The following ABLIM1 variants were observed in gnomAD, a reference collection of about 807,000 sequenced individuals.
The protein encoded by ABLIM1 is actin-binding LIM protein 1.
A neutral mutation model predicts 107.0 loss-of-function variants in ABLIM1; 40 were observed. The observed-to-expected ratio is 0.37, with a 90% CI of 0.29 to 0.49. The LOEUF (loss-of-function observed/expected upper bound fraction) is 0.49, where lower values mean the gene tolerates loss of function less well. Ranked by LOEUF, ABLIM1 falls within the 20% of genes least tolerant of loss-of-function variation. The probability of loss-of-function intolerance (pLI) is 0.97; values close to 1 mark genes in which losing one functional copy is unlikely to be tolerated. For synonymous variants in ABLIM1, 357 were observed against 357.3 expected, an observed-to-expected ratio of 1.00 and a Z score of 0.01; for missense variants, 857 against 1,008.5, an observed-to-expected ratio of 0.85 and a Z score of 2.04.
At chr10:114,624,685 T>C (rs1296774671) in intron 1 of ABLIM1, among the ~76,000 whole-genome samples, 1 of 152,206 alleles carries the variant, frequency 6.6e-6, no homozygotes, top group Non-Finnish European at 1.5e-5. Flanking sequence ...TATTTATTTA[T>C]ATCGTAGAAA....
chr10:114,745,756 G>A (rs1482897832), intron 1 of ABLIM1, among the ~76,000 whole-genome samples: 1 of 152,118 alleles, frequency 6.6e-6, no homozygotes, highest in Non-Finnish European at 1.5e-5. Flanking sequence ...TAGGAGAATC[G>A]CTTGAACCCA....
At chr10:114,635,671 GC>G (rs2078443570) in intron 1 of ABLIM1, among the ~76,000 whole-genome samples, 1 of 152,162 alleles carries the variant, frequency 6.6e-6, no homozygotes, top group Non-Finnish European at 1.5e-5. Context: ...ATTGCAGTGC[GC>G]CACCACGCCT....
chr10:114,546,849 T>C (rs1014043765), intron 5 of ABLIM1, among the ~76,000 whole-genome samples: 1 of 152,156 alleles, frequency 6.6e-6, no homozygotes, highest in Non-Finnish European at 1.5e-5. Flanking sequence ...GGTGCGATAA[T>C]AGTTCACTGC....
At chr10:114,607,903 G>C (rs2076534551) in intron 1 of ABLIM1, among the ~76,000 whole-genome samples, 1 of 152,206 alleles carries the variant, frequency 6.6e-6, no homozygotes, top group African/African-American at 2.4e-5. Context: ...AATCTGAATA[G>C]TGTGGACTTT....
intron 18 of ABLIM1, 34 bp downstream of exon 18, chr10:114,441,688 A>C (rs775736765): frequency 6.3e-7 from 1 of 1,593,174 alleles, no homozygotes; most frequent in Non-Finnish European, 8.6e-7. Flanking sequence ...GGTGGGAGTA[A>C]AGGCAGAAAC....
intron 6 of ABLIM1, among the ~76,000 whole-genome samples, chr10:114,502,962 C>A (rs1250197199): frequency 6.6e-6 from 1 of 152,188 alleles, no homozygotes; most frequent in Non-Finnish European, 1.5e-5. Flanking sequence ...TGACTTCTAA[C>A]CCCACATGCT....
At chr10:114,464,534 G>A (rs1482384161) in intron 12 of ABLIM1, among the ~76,000 whole-genome samples, 1 of 152,048 alleles carries the variant, frequency 6.6e-6, no homozygotes, top group Non-Finnish European at 1.5e-5. Flanking sequence ...CTTAAATCGG[G>A]ACTCACGTCC....
intron 6 of ABLIM1, among the ~76,000 whole-genome samples, chr10:114,543,290 C>T (rs906410558): frequency 1.3e-5 from 2 of 152,208 alleles, no homozygotes; most frequent in East Asian, 3.8e-4. Context: ...AAAAGGAAAT[C>T]CTGTATCCAT....
At chr10:114,577,483 G>GCA (rs1342638111) in intron 2 of ABLIM1, among the ~76,000 whole-genome samples, 1 of 152,096 alleles carries the variant, frequency 6.6e-6, no homozygotes, top group East Asian at 1.9e-4. Flanking sequence ...TAATCTGGTG[G>GCA]CAATACACAA....
chr10:114,785,687 T>C, the ABLIM1 span, among the ~76,000 whole-genome samples: 3 of 152,172 alleles, frequency 2.0e-5, no homozygotes, highest in Non-Finnish European at 4.4e-5. Context: ...TTTGAGTGAA[T>C]ATAAAATCTC....
chr10:114,538,721 G>A (rs542168604), intron 6 of ABLIM1, among the ~76,000 whole-genome samples: 1 of 152,354 alleles, frequency 6.6e-6, no homozygotes, highest in Non-Finnish European at 1.5e-5. Context: ...TCAGGGAGGA[G>A]AACAAAAGAA....
At chr10:114,684,441 C>T in exon 1 of ABLIM1, 1 of 1,576,408 alleles carries the variant, frequency 6.3e-7, no homozygotes, top group African/African-American at 1.3e-5. Flanking sequence ...AGGCTGGGGC[C>T]CTGGCTCTCC....
At chr10:114,783,539 C>T in the ABLIM1 span, among the ~76,000 whole-genome samples, 2 of 151,828 alleles carry the variant, frequency 1.3e-5, no homozygotes, top group Non-Finnish European at 2.9e-5. Flanking sequence ...ATGGAGCTAG[C>T]GCATGAAAGG....
At chr10:114,504,025 G>A (rs551980895) in intron 6 of ABLIM1, among the ~76,000 whole-genome samples, 5 of 152,316 alleles carry the variant, frequency 3.3e-5, no homozygotes, top group Admixed American at 3.3e-4. Flanking sequence ...ATAACTTTCT[G>A]TAAGTGTTTG....
chr10:114,597,572 G>T (rs1390072388), intron 2 of ABLIM1, among the ~76,000 whole-genome samples: 1 of 151,222 alleles, frequency 6.6e-6, no homozygotes, highest in Non-Finnish European at 1.5e-5. Flanking sequence ...GAAAAGGAAA[G>T]GAAAGGAGGA....
At chr10:114,781,662 G>GTATATA in the ABLIM1 span, among the ~76,000 whole-genome samples, 5 of 23,068 alleles carry the variant, frequency 2.2e-4, no homozygotes, top group African/African-American at 4.5e-4. Context: ...ATATATATGC[G>GTATATA]TGTATATATA....
At chr10:114,500,158 T>C (rs1206095764) in intron 6 of ABLIM1, among the ~76,000 whole-genome samples, 1 of 152,210 alleles carries the variant, frequency 6.6e-6, no homozygotes, top group Non-Finnish European at 1.5e-5. Context: ...ACTGCGAGGC[T>C]TCTGAGCTCA....
intron 1 of ABLIM1, among the ~76,000 whole-genome samples, chr10:114,716,176 G>C (rs943506181): frequency 6.6e-6 from 1 of 152,182 alleles, no homozygotes; most frequent in African/African-American, 2.4e-5. Flanking sequence ...CTCAGACAAT[G>C]ATCTGGAGTC....
At chr10:114,747,929 A>G (rs945023662) in intron 1 of ABLIM1, among the ~76,000 whole-genome samples, 3 of 152,222 alleles carry the variant, frequency 2.0e-5, no homozygotes, top group South Asian at 2.1e-4. Context: ...AATCCCAGCT[A>G]CTTGGGAGGC....
Sources: gnomAD v4.1 joint callset for allele counts (sites outside exome capture counted in the v4.1 genomes callset) on GRCh38, gnomAD v4.1.1 for gene constraint, MANE v1.5 for transcripts, NCBI Gene and HGNC (gene_info 2026-07-23, HGNC 2026-07-21) for gene names.